Variants in ATP8A1 observed in about 807,000 individuals in gnomAD.
ATP8A1 encodes the protein ATPase phospholipid transporting 8A1.
Under a neutral mutation model 177.7 loss-of-function variants are expected in ATP8A1, and 90 were observed. That is an observed-to-expected ratio of 0.51 (90% CI 0.43 to 0.60). The LOEUF is 0.60. Ranked by LOEUF, ATP8A1 falls within the 20% of genes least tolerant of loss-of-function variation. The pLI, the probability that ATP8A1 is intolerant of heterozygous loss-of-function variation, is 0.00. For missense variants in ATP8A1, 1,072 were observed against 1,392.8 expected (o/e 0.77, Z 3.67); for synonymous variants, 493 against 485.9 (o/e 1.01, Z -0.19).
Position 42,414,688 on chromosome 4 carries a change from G to A in ATP8A1, c.3336C>T (p.Asn1112=), listed in dbSNP as rs759921525. Residue 1112 remains asparagine, a synonymous_variant, in exon 36 of 37, where the codon AAC becomes AAT. Transcript: ENST00000381668. ...SLTERAQLLK[N]VFKKNHVNLY... ...AGTTCACGTGGTTCTTCTTAAAGACGTTCTTGAGCAGTTGCGCCCTCTCGG... is the reference window on the plus strand; with the variant it reads ...AGTTCACGTGGTTCTTCTTAAAGACATTCTTGAGCAGTTGCGCCCTCTCGG... 16 of 1,613,752 alleles carry A rather than the reference G, an allele frequency of 9.9e-6. No homozygotes were observed. In the East Asian group the frequency reaches 1.1e-4, roughly 11 times the overall value.
At chr4:42,413,720 T>TCC (rs1560297743) in intron 36 of ATP8A1, among the ~76,000 whole-genome samples, 2 of 152,072 alleles carry the variant, frequency 1.3e-5, no homozygotes, top group Non-Finnish European at 2.9e-5. Context: ...AATTTTTTTT[T>TCC]CCCCCTTGAA....
intron 33 of ATP8A1, among the ~76,000 whole-genome samples, chr4:42,425,261 C>T (rs1714460441): frequency 6.6e-6 from 1 of 151,972 alleles, no homozygotes; most frequent in South Asian, 2.1e-4. Context: ...TTCTTGCCTT[C>T]ACCACCTTGT....
chr4:42,429,583 T>C (rs1254038869), intron 33 of ATP8A1, among the ~76,000 whole-genome samples: 1 of 152,234 alleles, frequency 6.6e-6, no homozygotes, highest in Non-Finnish European at 1.5e-5. Context: ...CTGGCTGCCC[T>C]GGCCAAAATC....
In ATP8A1 at chr4:42,507,042, T is replaced by C. The variant is rs1216466198; in HGVS notation, c.2060A>G (p.Asp687Gly). The change falls in exon 23 of 37, where the codon GAC becomes GGC. Residue 687 changes from aspartate to glycine, a missense_variant. Around this residue, in one of 5 missense-constraint regions of ATP8A1, gnomAD observed 388 missense variants for 471.7 expected, o/e 0.82. Transcript: ENST00000381668. ...ADIKIWILTG[D>G]KQETAINIGH... ...GATGTTAATGGCAGTTTCTTGCTTGTCCCCTGTAAGGATCCAGATTTTGAT... is the reference window on the plus strand; with the variant it reads ...GATGTTAATGGCAGTTTCTTGCTTGCCCCCTGTAAGGATCCAGATTTTGAT... 1 of 1,613,972 alleles carries C rather than the reference T, an allele frequency of 6.2e-7. No individual in the cohort carries two copies. The highest frequency in any genetic ancestry group is 8.5e-7 in the Non-Finnish European group (1 of 1,179,950).
At chr4:42,650,971 C>T (rs1301974739) in intron 1 of ATP8A1, among the ~76,000 whole-genome samples, 1 of 152,190 alleles carries the variant, frequency 6.6e-6, no homozygotes, top group East Asian at 1.9e-4. Context: ...CCACAATTCT[C>T]ACATGTCGTA....
chr4:42,603,707 C>T (rs977970620), intron 5 of ATP8A1, among the ~76,000 whole-genome samples: 2 of 152,130 alleles, frequency 1.3e-5, no homozygotes, highest in Admixed American at 6.5e-5. Context: ...AAAATCTTCT[C>T]CACCATCACC....
At chr4:42,523,303 A>G (rs950751724) in intron 21 of ATP8A1, among the ~76,000 whole-genome samples, 1 of 152,192 alleles carries the variant, frequency 6.6e-6, no homozygotes, top group African/African-American at 2.4e-5. Context: ...AAGCAGTTAG[A>G]TATCTAGGTT....
rs1741717793 is a variant in ATP8A1 at position 42,657,049 on chromosome 4, G to A, written c.-176C>T. On this transcript the variant is annotated 5_prime_UTR_variant, in exon 1 of 37. Transcript: ENST00000381668. ...GGCCCCCGCACGCCGACAGGAGGAGGAGAAAGGCAGCGGTGGCGGCGAAGG... is the reference window on the plus strand; with the variant it reads ...GGCCCCCGCACGCCGACAGGAGGAGAAGAAAGGCAGCGGTGGCGGCGAAGG... The A allele has an allele frequency of 3.6e-6, 2 of 548,230 alleles. No individual in the cohort carries two copies. Among genetic ancestry groups the A allele is most frequent in the Non-Finnish European group, 5.5e-6 (2 of 364,364 alleles). The allele number at this position is 548,230 out of a possible 1,614,324, so 34.0% of individuals were successfully genotyped here. A position where few individuals can be genotyped will look rare whatever the true frequency, so the allele number is the denominator to read the frequency against.
chr4:42,521,276 G>A (rs1726106002), intron 22 of ATP8A1, among the ~76,000 whole-genome samples: 1 of 152,174 alleles, frequency 6.6e-6, no homozygotes, highest in Admixed American at 6.5e-5. Flanking sequence ...AATACTGGAG[G>A]AAGAGTGAGG....
chr4:42,595,923 A>G (rs554691266), intron 6 of ATP8A1, among the ~76,000 whole-genome samples: 6 of 152,344 alleles, frequency 3.9e-5, no homozygotes, highest in African/African-American at 1.4e-4. Flanking sequence ...ATGGTACCCC[A>G]GTGGCCTGGG....
chr4:42,651,146 C>T (rs1168496607), intron 1 of ATP8A1, among the ~76,000 whole-genome samples: 1 of 152,032 alleles, frequency 6.6e-6, no homozygotes, highest in African/African-American at 2.4e-5. Flanking sequence ...ACTTGCTCCT[C>T]CTTGCCTTCT....
intron 27 of ATP8A1, 138 bp from the exon 28 acceptor site, chr4:42,455,737 C>G: frequency 1.3e-6 from 1 of 761,518 alleles, no homozygotes; most frequent in South Asian, 2.0e-5. Context: ...AATGACATTT[C>G]TTTGGTTTAC....
At chr4:42,502,041 T>C (rs1045844256) in intron 24 of ATP8A1, among the ~76,000 whole-genome samples, 2 of 150,818 alleles carry the variant, frequency 1.3e-5, no homozygotes, top group Admixed American at 6.6e-5. Context: ...TTAAAACTGA[T>C]ATACTTTTTT....
intron 14 of ATP8A1, among the ~76,000 whole-genome samples, chr4:42,573,632 G>C (rs1426594298): frequency 6.6e-6 from 1 of 152,128 alleles, no homozygotes; most frequent in Non-Finnish European, 1.5e-5. Context: ...GTCATTTTTA[G>C]TCATGCTCTC....
chr4:42,567,164 A>G (rs1229043609), intron 15 of ATP8A1, among the ~76,000 whole-genome samples: 2 of 152,238 alleles, frequency 1.3e-5, no homozygotes, highest in Admixed American at 6.5e-5. Flanking sequence ...GTAGCAGCTC[A>G]GGAAACATTT....
rs553752119 is a variant in ATP8A1, at chr4:42,586,108, C to G, written c.722+241G>C. Among the ~76,000 whole-genome samples, 23 of 152,308 alleles carry G rather than the reference C, an allele frequency of 1.5e-4. 1 individual carries two copies. The South Asian group carries it at 4.4e-3, about 29-fold the overall frequency. ...AATGTGCCAGAAGCTGGGAATATCT[C>G]TGAAAATATCCTCCAGCCAGATTGG... On this transcript the variant is annotated intron_variant, in intron 9 of 36. Transcript: ENST00000381668.
intron 5 of ATP8A1, among the ~76,000 whole-genome samples, chr4:42,605,129 C>T (rs954799185): frequency 6.6e-6 from 1 of 152,158 alleles, no homozygotes; most frequent in Non-Finnish European, 1.5e-5. Context: ...GCACTAAACA[C>T]CCCTGAACTG....
chr4:42,548,843 T>C (rs542393616), intron 19 of ATP8A1, among the ~76,000 whole-genome samples, 170 bp downstream of exon 19: 2 of 152,360 alleles, frequency 1.3e-5, no homozygotes, highest in Admixed American at 1.3e-4. Context: ...TTGTAATTTA[T>C]CTACAGATAA....
intron 25 of ATP8A1, among the ~76,000 whole-genome samples, chr4:42,476,792 C>G (rs2153186998): frequency 6.6e-6 from 1 of 152,192 alleles, no homozygotes; most frequent in South Asian, 2.1e-4. Flanking sequence ...AAGACACCTG[C>G]TACATCAATA....
Sources: allele counts gnomAD v4.1 joint callset (sites outside exome capture counted in the v4.1 genomes callset), GRCh38; gene constraint gnomAD v4.1.1; regional missense constraint gnomAD v4.1.1; transcripts MANE v1.5; gene names NCBI Gene and HGNC (gene_info 2026-07-23, HGNC 2026-07-21).